PTPN14: variants seen among roughly 807,000 people sequenced by gnomAD.
The protein encoded by PTPN14 is tyrosine-protein phosphatase non-receptor type 14.
Under a neutral mutation model 126.8 loss-of-function variants are expected in PTPN14, and 53 were observed. The ratio of observed to expected loss-of-function variants is 0.42; its 90% CI spans 0.34 to 0.53. The LOEUF is 0.53. Among genes scored for constraint, PTPN14 ranks in the 20% least tolerant of loss-of-function variants. The pLI is 0.08. For missense variants in PTPN14, 1,257 were observed against 1,552.9 expected, an observed-to-expected ratio of 0.81 and a Z score of 3.20; for synonymous variants, 630 against 599.3, an observed-to-expected ratio of 1.05 and a Z score of -0.75.
At chr1:214,365,225 T>A (rs1658053651) in intron 17 of PTPN14, among the ~76,000 whole-genome samples, 1 of 152,196 alleles carries the variant, frequency 6.6e-6, no homozygotes, top group African/African-American at 2.4e-5. Context: ...CTTTTCAGCA[T>A]GGATTCCACG....
chr1:214,481,943 C>T (rs543600706), intron 1 of PTPN14, among the ~76,000 whole-genome samples: 39 of 151,146 alleles, frequency 2.6e-4, no homozygotes, highest in South Asian at 1.1e-3. Flanking sequence ...GCCCAGATCA[C>T]GCCACTGCAC....
intron 3 of PTPN14, among the ~76,000 whole-genome samples, chr1:214,424,532 C>CT (rs762517027): frequency 1.9e-3 from 269 of 138,926 alleles, no homozygotes; most frequent in African/African-American, 3.4e-3. Flanking sequence ...CACTTTCTTT[C>CT]TTTTTTTTTT....
intron 1 of PTPN14, among the ~76,000 whole-genome samples, chr1:214,543,541 T>C (rs1398353159): frequency 6.6e-6 from 1 of 152,220 alleles, no homozygotes; most frequent in African/African-American, 2.4e-5. Context: ...ATAGTAATTA[T>C]TTATCAAAGA....
intron 11 of PTPN14, among the ~76,000 whole-genome samples, chr1:214,388,867 A>G (rs895521745): frequency 1.3e-5 from 2 of 152,312 alleles, no homozygotes; most frequent in African/African-American, 2.4e-5. Context: ...AGCTGGGTGA[A>G]TAACTCACCT....
intron 15 of PTPN14, among the ~76,000 whole-genome samples, chr1:214,373,507 A>G (rs1409951447): frequency 1.3e-5 from 2 of 150,440 alleles, no homozygotes; most frequent in Non-Finnish European, 3.0e-5. Context: ...ACTATGTGCA[A>G]TGTACTCTAA....
chr1:214,542,349 A>G lies in PTPN14; in HGVS notation c.-155+8834T>C, dbSNP rs943546687. On this transcript the variant is annotated intron_variant, in intron 1 of 18. Transcript: ENST00000366956. ...TAGAAGGGAGACTGGTGCCCGCACC[A>G]AGAGAGGGGACAGCATACACAAAGT... Among the ~76,000 whole-genome samples the G allele has an allele frequency of 2.0e-5, 3 of 152,252 alleles. No individual in the cohort carries two copies. In the South Asian group the frequency reaches 6.2e-4, roughly 31 times the overall value.
At chr1:214,522,693 G>A (rs760516473) in intron 1 of PTPN14, among the ~76,000 whole-genome samples, 4 of 152,160 alleles carry the variant, frequency 2.6e-5, no homozygotes, top group Non-Finnish European at 4.4e-5. Flanking sequence ...ATTCAAGGCC[G>A]TTTTAAATAA....
At chr1:214,400,136 C>T (rs919961483) in intron 7 of PTPN14, among the ~76,000 whole-genome samples, 3 of 152,156 alleles carry the variant, frequency 2.0e-5, no homozygotes. Context: ...TCATGACATG[C>T]TTTTTGTCAA....
intron 1 of PTPN14, among the ~76,000 whole-genome samples, chr1:214,465,997 C>G (rs1660629351): frequency 9.9e-6 from 1 of 100,868 alleles, no homozygotes; most frequent in African/African-American, 3.8e-5. Context: ...CACCTTGTTG[C>G]CCAGGCTGGA....
chr1:214,374,872 T>C (rs1385893927), intron 15 of PTPN14, among the ~76,000 whole-genome samples: 1 of 152,176 alleles, frequency 6.6e-6, no homozygotes. Context: ...AAGAAGAAGA[T>C]AATATAATAT....
At chr1:214,535,529 G>C (rs1655682459) in intron 1 of PTPN14, among the ~76,000 whole-genome samples, 1 of 152,196 alleles carries the variant, frequency 6.6e-6, no homozygotes, top group Non-Finnish European at 1.5e-5. Context: ...TGTAATCCCA[G>C]AACTTTGGGA....
chr1:214,403,278 C>T (rs1033845810), intron 5 of PTPN14, among the ~76,000 whole-genome samples: 14 of 152,162 alleles, frequency 9.2e-5, no homozygotes, highest in African/African-American at 2.2e-4. Context: ...AAATGCTTTG[C>T]GTGTGCTTAC....
intron 3 of PTPN14, among the ~76,000 whole-genome samples, chr1:214,435,445 A>G (rs542023654): frequency 3.4e-4 from 52 of 152,174 alleles, no homozygotes; most frequent in Non-Finnish European, 2.4e-4. Flanking sequence ...TAAACCAGAA[A>G]GGAAAAATGC....
chr1:214,378,153 T>C (rs1412527701), intron 13 of PTPN14, 51 bp from the exon 14 acceptor site: 12 of 1,545,938 alleles, frequency 7.8e-6, no homozygotes, highest in Non-Finnish European at 1.1e-5. Context: ...TAGTAGAATG[T>C]TGGAATGTGT....
At chr1:214,483,584 A>C (rs939077158) in intron 1 of PTPN14, among the ~76,000 whole-genome samples, 3 of 152,164 alleles carry the variant, frequency 2.0e-5, no homozygotes, top group Non-Finnish European at 4.4e-5. Flanking sequence ...TACAGACTCT[A>C]CTGCTAATTT....
chr1:214,421,186 G>T (rs1277041250), intron 3 of PTPN14, among the ~76,000 whole-genome samples: 4 of 152,158 alleles, frequency 2.6e-5, no homozygotes, highest in Admixed American at 6.5e-5. Flanking sequence ...ACAAAATGCG[G>T]TCTCTTCAAA....
At chr1:214,514,805 T>C (rs1419160918) in intron 1 of PTPN14, among the ~76,000 whole-genome samples, 3 of 152,126 alleles carry the variant, frequency 2.0e-5, no homozygotes, top group Non-Finnish European at 2.9e-5. Flanking sequence ...CCTCCAGTCC[T>C]TCCTCTTTAG....
intron 3 of PTPN14, among the ~76,000 whole-genome samples, chr1:214,434,364 C>T (rs985643509): frequency 1.3e-5 from 2 of 152,022 alleles, no homozygotes; most frequent in African/African-American, 4.8e-5. Context: ...TGAGAAAAGG[C>T]CCCTGGCCCA....
chr1:214,472,159 C>T (rs901116424), intron 1 of PTPN14, among the ~76,000 whole-genome samples: 1 of 152,168 alleles, frequency 6.6e-6, no homozygotes, highest in Non-Finnish European at 1.5e-5. Flanking sequence ...TATGTCCTCA[C>T]CAAATCACAT....
Sources: allele counts gnomAD v4.1 joint callset (sites outside exome capture counted in the v4.1 genomes callset), GRCh38; gene constraint gnomAD v4.1.1; transcripts MANE v1.5; gene names NCBI Gene and HGNC (gene_info 2026-07-23, HGNC 2026-07-21).